The following CACNB4 variants were observed in gnomAD, a reference collection of about 807,000 sequenced individuals.
The protein encoded by CACNB4 is calcium voltage-gated channel auxiliary subunit beta 4.
In CACNB4, 32 loss-of-function variants were observed where a neutral mutation model predicts 71.2. That is an observed-to-expected ratio of 0.45 (90% confidence interval 0.34 to 0.60). The LOEUF (loss-of-function observed/expected upper bound fraction) is 0.60, where lower values mean the gene tolerates loss of function less well. Among genes scored for constraint, CACNB4 ranks in the 20% least tolerant of loss-of-function variants. The pLI is 0.01. For missense variants in CACNB4, 464 were observed against 647.9 expected (o/e 0.72, Z 3.08); for synonymous variants, 231 against 236.9 (o/e 0.97, Z 0.23).
chr2:151,995,825 T>A lies in CACNB4; in HGVS notation c.147+102505A>T, dbSNP rs1023232789. Among the ~76,000 whole-genome samples the A allele has an allele frequency of 2.0e-5, 3 of 152,354 alleles. No individual in the cohort carries two copies. The East Asian group carries it at 5.8e-4, about 29-fold the overall frequency. ...TACCTACCAGTACCTGGTAAAGCTA[T>A]CAACTTCTCCTGAGACAAGGCAAAC... On this transcript the variant is annotated intron_variant, in intron 2 of 13. Transcript: ENST00000539935.
At chr2:151,948,142 G>A (rs1037922237) in intron 2 of CACNB4, among the ~76,000 whole-genome samples, 6 of 151,528 alleles carry the variant, frequency 4.0e-5, no homozygotes, top group East Asian at 1.9e-4. Flanking sequence ...GGAACAAACC[G>A]GGTGTCATTT....
chr2:152,018,005 GTAAT>G (rs1683442134), intron 2 of CACNB4, among the ~76,000 whole-genome samples: 1 of 151,790 alleles, frequency 6.6e-6, no homozygotes, highest in Non-Finnish European at 1.5e-5. Context: ...GCTAATTTTT[GTAAT>G]TTTAGTAGAG....
intron 2 of CACNB4, among the ~76,000 whole-genome samples, chr2:152,010,880 G>A (rs1449403976): frequency 6.6e-6 from 1 of 152,216 alleles, no homozygotes; most frequent in Non-Finnish European, 1.5e-5. Flanking sequence ...GCAACCAGCA[G>A]GGAGGCAAAA....
chr2:152,072,174 T>C (rs1052003199), intron 2 of CACNB4, among the ~76,000 whole-genome samples: 2 of 152,256 alleles, frequency 1.3e-5, no homozygotes, highest in African/African-American at 2.4e-5. Context: ...TCCTTTTGCC[T>C]GGAGCAGTTA....
chr2:151,997,917 C>T (rs1298668341), intron 2 of CACNB4, among the ~76,000 whole-genome samples: 2 of 152,202 alleles, frequency 1.3e-5, no homozygotes, highest in Admixed American at 1.3e-4. Context: ...TGGGAGCCAT[C>T]ATTTCAGAAT....
intron 2 of CACNB4, among the ~76,000 whole-genome samples, chr2:151,960,626 T>A (rs955623618): frequency 6.6e-6 from 1 of 152,130 alleles, no homozygotes; most frequent in Admixed American, 6.5e-5. Context: ...TCTTACCATA[T>A]CCCAGTGATG....
rs1334549152 is a variant in CACNB4, at chr2:151,992,444, T to C, written c.147+105886A>G. Among the ~76,000 whole-genome samples the C allele has an allele frequency of 2.0e-5, 3 of 152,338 alleles. No homozygotes were observed. In the East Asian group the frequency reaches 5.8e-4, roughly 29 times the overall value. The stretch of plus-strand genomic sequence containing the variant: ...TATCTTACAAGAATTAAGAACAAAA[T>C]GCAAGAGCAACTATAGCTTTGGGAC... On this transcript the variant is annotated intron_variant, in intron 2 of 13. Transcript: ENST00000539935.
chr2:151,983,257 AC>A (rs2099875029), intron 2 of CACNB4, among the ~76,000 whole-genome samples: 1 of 152,268 alleles, frequency 6.6e-6, no homozygotes, highest in South Asian at 2.1e-4. Context: ...GTAGATCATT[AC>A]AAAGAGAAAA....
chr2:151,898,014 A>C (rs77811051), intron 2 of CACNB4, among the ~76,000 whole-genome samples: 4,217 of 152,292 alleles, frequency 0.028, 124 homozygotes, highest in Non-Finnish European at 0.037. Flanking sequence ...AGTGAGTAGG[A>C]ATTAAATGCT....
intron 2 of CACNB4, among the ~76,000 whole-genome samples, chr2:152,061,930 T>C (rs1686037452): frequency 1.3e-5 from 2 of 151,582 alleles, no homozygotes; most frequent in African/African-American, 4.8e-5. Context: ...GAGAATCACA[T>C]GAACCCAGGA....
chr2:152,049,947 A>C (rs1685334960), intron 2 of CACNB4, among the ~76,000 whole-genome samples: 1 of 152,270 alleles, frequency 6.6e-6, no homozygotes, highest in Non-Finnish European at 1.5e-5. Context: ...ACTTGTCTGC[A>C]AGGCAACTGC....
intron 2 of CACNB4, among the ~76,000 whole-genome samples, chr2:151,980,899 T>C (rs774709414): frequency 3.3e-5 from 5 of 152,300 alleles, no homozygotes; most frequent in Admixed American, 6.5e-5. Flanking sequence ...AGTTTTTGGT[T>C]TTGGTTCTTG....
chr2:151,984,115 C>T (rs13391908), intron 2 of CACNB4, among the ~76,000 whole-genome samples: 33,498 of 151,936 alleles, frequency 0.22, 3,859 homozygotes, highest in Middle Eastern at 0.41. Context: ...AATCATAATG[C>T]CCCCTGAATT....
At chr2:152,043,610 G>A (rs376351121) in intron 2 of CACNB4, among the ~76,000 whole-genome samples, 16 of 152,242 alleles carry the variant, frequency 1.1e-4, no homozygotes, top group African/African-American at 1.9e-4. Context: ...GTGAGCCACC[G>A]TGCTTGTCCC....
intron 2 of CACNB4, among the ~76,000 whole-genome samples, chr2:152,045,661 C>T (rs1291234158): frequency 6.6e-6 from 1 of 151,912 alleles, no homozygotes; most frequent in Non-Finnish European, 1.5e-5. Flanking sequence ...TCAAAGTACA[C>T]CCTCAAAGTC....
At chr2:152,028,828 T>C (rs1451908575) in intron 2 of CACNB4, among the ~76,000 whole-genome samples, 2 of 152,192 alleles carry the variant, frequency 1.3e-5, no homozygotes, top group African/African-American at 2.4e-5. Flanking sequence ...GATAAATATA[T>C]ACAAATGCTC....
intron 2 of CACNB4, among the ~76,000 whole-genome samples, chr2:151,976,619 G>C (rs1484688152): frequency 6.6e-6 from 1 of 152,156 alleles, no homozygotes; most frequent in East Asian, 1.9e-4. Flanking sequence ...AGTCACCTAA[G>C]GGTTTCAACC....
intron 2 of CACNB4, among the ~76,000 whole-genome samples, chr2:151,896,084 G>C (rs1328397600): frequency 6.6e-6 from 1 of 152,174 alleles, no homozygotes; most frequent in East Asian, 1.9e-4. Flanking sequence ...GACCTCAGGT[G>C]ATTCGCCTGC....
At chr2:151,858,891 T>C (rs2099840948) in intron 10 of CACNB4, 1 of 152,226 alleles carries the variant, frequency 6.6e-6, no homozygotes, top group South Asian at 2.1e-4. Flanking sequence ...ACCCCTACTC[T>C]TCTTTATACC....
Sources: gnomAD v4.1 joint callset for allele counts (sites outside exome capture counted in the v4.1 genomes callset) on GRCh38, gnomAD v4.1.1 for gene constraint, MANE v1.5 for transcripts, NCBI Gene and HGNC (gene_info 2026-07-23, HGNC 2026-07-21) for gene names.